Variants in CFAP157 observed in about 807,000 individuals in gnomAD.
CFAP157 encodes cilia- and flagella-associated protein 157.
Under a neutral mutation model 57.8 loss-of-function variants are expected in CFAP157, and 43 were observed. The ratio of observed to expected loss-of-function variants is 0.74; its 90% CI spans 0.58 to 0.96. CFAP157 has a LOEUF of 0.96. CFAP157 is among the 40% of genes least tolerant of loss of function. The probability of loss-of-function intolerance (pLI) is 0.00; values close to 1 mark genes in which losing one functional copy is unlikely to be tolerated. For missense variants in CFAP157, 606 were observed against 655.3 expected (o/e 0.92, Z 0.82); for synonymous variants, 267 against 269.0 (o/e 0.99, Z 0.07).
chr9:127,712,990 G>A (rs1345400138), intron 7 of CFAP157, 30 bp from the exon 8 acceptor site: 16 of 1,608,220 alleles, frequency 9.9e-6, no homozygotes, highest in African/African-American at 1.3e-5. Context: ...CTCGCCGAAG[G>A]CTCTGTGACC....
chr9:127,715,698 G>C lies in CFAP157; in HGVS notation c.*1793G>C, dbSNP rs748381420. ...CGTCATCACCCCGCAGCAGCCAATC[G>C]TGTTGCCAACTGTTTGGCGTCCACC... On this transcript the variant is annotated 3_prime_UTR_variant, in exon 9 of 9. Coordinates refer to ENST00000373295, the MANE Select transcript of CFAP157 (RefSeq NM_001012502.3). The surrounding 1 kb of genome is among the most constrained non-coding windows in gnomAD (Gnocchi z 5.8). 1.3e-6 allele frequency: 2 copies of C among 1,578,692 alleles called. No homozygotes were observed. The highest frequency in any genetic ancestry group is 2.3e-5 in the South Asian group (2 of 88,182).
rs58502035 is a variant in CFAP157, at chr9:127,713,496, C to CT, written c.1492-310dup. ...CCTCAGCTTCCAAGCCAGCATCTTT[C>CT]TTTTTTTTTTTTTTTTTTTTTTTTT... On this transcript the variant is annotated intron_variant, in intron 8 of 8. Coordinates refer to ENST00000373295, the MANE Select transcript of CFAP157 (RefSeq NM_001012502.3). 709 of 90,966 alleles carry CT rather than the reference C, an allele frequency of 7.8e-3. 67 individuals are homozygous for CT. Among genetic ancestry groups the CT allele is most frequent in the African/African-American group, 0.024 (309 of 13,042 alleles). 5.6% of individuals were successfully genotyped at this position (90,966 alleles called of 1,614,324 possible). A position where few individuals can be genotyped will look rare whatever the true frequency, so the allele number is the denominator to read the frequency against.
chr9:127,712,159 G>A, intron 5 of CFAP157, 40 bp from the exon 6 acceptor site: 1 of 1,610,222 alleles, frequency 6.2e-7, no homozygotes, highest in Non-Finnish European at 8.5e-7. Context: ...CAGTCCTGGG[G>A]AAGGGGGAAG....
In CFAP157 at chr9:127,712,700, C is replaced by T. The variant is rs748181351; in HGVS notation, c.1138-9C>T. On this transcript the variant is annotated splice_polypyrimidine_tract_variant and intron_variant, in intron 6 of 8. Transcript: ENST00000373295. ...TGTGGGCCTGCTGCCACCCCACCCT[C>T]ACCAACAGATGCACCGCGATGAAGA... The T allele has an allele frequency of 1.9e-6, 3 of 1,614,130 alleles. No individual in the cohort carries two copies. The highest frequency in any genetic ancestry group is 2.5e-6 in the Non-Finnish European group (3 of 1,180,004).
At chr9:127,712,019 C>T (rs1250957061) in intron 5 of CFAP157, 69 bp downstream of exon 5, 35 of 1,543,886 alleles carry the variant, frequency 2.3e-5, no homozygotes, top group Admixed American at 6.0e-5. Context: ...CAGCTCTTTC[C>T]GATCCCACGA....
intron 6 of CFAP157, 91 bp downstream of exon 6, chr9:127,712,440 A>G (rs1842788407): frequency 6.6e-7 from 1 of 1,521,556 alleles, no homozygotes; most frequent in Admixed American, 2.1e-5. Context: ...CCTCAGGATC[A>G]GAGGCCCCTC....
intron 4 of CFAP157, 28 bp from the exon 5 acceptor site, chr9:127,711,792 G>A (rs779478927): frequency 7.7e-6 from 12 of 1,548,876 alleles, no homozygotes; most frequent in South Asian, 4.8e-5. Flanking sequence ...GGCAGGCTGA[G>A]GGCATGGCCA....
chr9:127,713,563 G>A (rs1315003781), intron 8 of CFAP157: 2 of 313,990 alleles, frequency 6.4e-6, no homozygotes, highest in East Asian at 1.3e-4. Context: ...CTGGAGTGCA[G>A]TGCCACAATC....
Position 127,715,585 on chromosome 9 carries a change from G to C in CFAP157, c.*1680G>C, listed in dbSNP as rs767941897. ...GGGGGGCGAGGCTCCAAAACACATCGGCTCATGGCTCTACTCAGCCGCTGT... is the reference window on the plus strand; with the variant it reads ...GGGGGGCGAGGCTCCAAAACACATCCGCTCATGGCTCTACTCAGCCGCTGT... On this transcript the variant is annotated 3_prime_UTR_variant, in exon 9 of 9. Coordinates refer to ENST00000373295, the MANE Select transcript of CFAP157 (RefSeq NM_001012502.3). This position sits in a 1 kb window ranked among gnomAD's most constrained non-coding sequence, Gnocchi z 5.8. 1.2e-6 allele frequency: 2 copies of C among 1,613,388 alleles called. No individual in the cohort carries two copies. The highest frequency in any genetic ancestry group is 1.1e-5 in the South Asian group (1 of 91,080).
chr9:127,713,266 A>AGGCTCT, intron 8 of CFAP157, 60 bp downstream of exon 8: 1 of 1,242,734 alleles, frequency 8.0e-7, no homozygotes, highest in Non-Finnish European at 1.1e-6. Context: ...GTACAAACTG[A>AGGCTCT]GGCTCTGCCA....
In CFAP157 at chr9:127,715,002, C is replaced by G. The variant is rs1564370510; in HGVS notation, c.*1097C>G. 4 of 1,432,040 alleles carry G rather than the reference C, an allele frequency of 2.8e-6. No homozygotes were observed. The highest frequency in any genetic ancestry group is 3.7e-6 in the Non-Finnish European group (4 of 1,092,840). The allele number at this position is 1,432,040 out of a possible 1,614,324, so 88.7% of individuals were successfully genotyped here. Reference sequence around the variant, plus strand: ...GCCCGGGCCACGCTGCGCCCGTTGGCGTTCATAAGCCGCCGTGGCCGGAGC... The same window carrying G: ...GCCCGGGCCACGCTGCGCCCGTTGGGGTTCATAAGCCGCCGTGGCCGGAGC... On this transcript the variant is annotated 3_prime_UTR_variant, in exon 9 of 9. Coordinates refer to ENST00000373295, the MANE Select transcript of CFAP157 (RefSeq NM_001012502.3). The surrounding 1 kb of genome is among the most constrained non-coding windows in gnomAD (Gnocchi z 5.8).
intron 8 of CFAP157, chr9:127,713,412 C>A: frequency 2.1e-6 from 1 of 470,186 alleles, no homozygotes; most frequent in Non-Finnish European, 3.7e-6. Flanking sequence ...GGGGGGTTGG[C>A]TGGACCCTGT....
Position 127,714,027 on chromosome 9 carries a change from T to G in CFAP157, c.*122T>G, listed in dbSNP as rs541795955. 130 of 1,587,542 alleles carry G rather than the reference T, an allele frequency of 8.2e-5. No homozygotes were observed. In the African/African-American group the frequency reaches 1.6e-3, roughly 19 times the overall value. The stretch of plus-strand genomic sequence containing the variant: ...TTGTATAAAAAGTAGATACCAAGGC[T>G]GGCGTGGCAGCTCTGTGGCAGTGGC... On this transcript the variant is annotated 3_prime_UTR_variant, in exon 9 of 9. Coordinates refer to ENST00000373295, the MANE Select transcript of CFAP157 (RefSeq NM_001012502.3).
In CFAP157 at chr9:127,709,011, C is replaced by T. The variant is rs1250440058; in HGVS notation, c.162-411C>T. Among the ~76,000 whole-genome samples the T allele has an allele frequency of 6.6e-6, 1 of 152,204 alleles. No homozygotes were observed. The highest frequency in any genetic ancestry group is 1.5e-5 in the Non-Finnish European group (1 of 68,032). The stretch of plus-strand genomic sequence containing the variant: ...GTCCTGGCTGTGCCACTTACAAACT[C>T]AGAGTTCCTTTATCCTTCTGAGCCT... On this transcript the variant is annotated intron_variant, in intron 1 of 8. Coordinates refer to ENST00000373295, the MANE Select transcript of CFAP157 (RefSeq NM_001012502.3). The surrounding 1 kb of genome is among the most constrained non-coding windows in gnomAD (Gnocchi z 4.7).
At chr9:127,707,868 T>A (rs1162507841) in intron 1 of CFAP157, among the ~76,000 whole-genome samples, 2 of 152,168 alleles carry the variant, frequency 1.3e-5, no homozygotes, top group Non-Finnish European at 2.9e-5. Flanking sequence ...AGGCGGCAGC[T>A]CTTCCCCAGG....
intron 4 of CFAP157, 75 bp from the exon 5 acceptor site, chr9:127,711,745 C>G: frequency 6.7e-7 from 1 of 1,495,818 alleles, no homozygotes; most frequent in Non-Finnish European, 9.0e-7. Flanking sequence ...CATAGGGGAA[C>G]ACGGGAGGCC....
Position 127,715,341 on chromosome 9 carries a change from A to T in CFAP157, c.*1436A>T. ...CGCGAAGAAGGGGCCCAGAAACCCG[A>T]CCCCTGAGAACTCCAGAAGGCTGGG... On this transcript the variant is annotated 3_prime_UTR_variant, in exon 9 of 9. Coordinates refer to ENST00000373295, the MANE Select transcript of CFAP157 (RefSeq NM_001012502.3). This position sits in a 1 kb window ranked among gnomAD's most constrained non-coding sequence, Gnocchi z 5.8. The T allele has an allele frequency of 8.2e-7, 1 of 1,223,818 alleles. No individual in the cohort carries two copies. Among genetic ancestry groups the T allele is most frequent in the Non-Finnish European group, 1.2e-6 (1 of 861,080 alleles). 75.8% of individuals were successfully genotyped at this position (1,223,818 alleles called of 1,614,324 possible). A position where few individuals can be genotyped will look rare whatever the true frequency, so the allele number is the denominator to read the frequency against.
Position 127,714,804 on chromosome 9 carries a change from A to G in CFAP157, c.*899A>G. ...GACCACAACTAATCCCACTTCACAT[A>G]TAAAGAAACTGAGGCCCCCCGAAGT... is the stretch of plus-strand genomic sequence containing the variant. On this transcript the variant is annotated 3_prime_UTR_variant, in exon 9 of 9. Transcript: ENST00000373295. 2 of 1,149,384 alleles carry G rather than the reference A, an allele frequency of 1.7e-6. No homozygotes were observed. The highest frequency in any genetic ancestry group is 2.5e-6 in the Non-Finnish European group (2 of 788,174). 71.2% of individuals were successfully genotyped at this position (1,149,384 alleles called of 1,614,324 possible).
chr9:127,713,577 GCTCACAGCAAC>G (rs1376975597), intron 8 of CFAP157: 4 of 346,584 alleles, frequency 1.2e-5, no homozygotes, highest in Non-Finnish European at 2.1e-5. Context: ...CACAATCTCA[GCTCACAGCAAC>G]CTCCGCCTCC....
Sources: gnomAD v4.1 joint callset for allele counts (sites outside exome capture counted in the v4.1 genomes callset) on GRCh38, gnomAD v4.1.1 for gene constraint, Gnocchi (gnomAD v3.1) non-coding constraint, MANE v1.5 for transcripts, NCBI Gene and HGNC (gene_info 2026-07-23, HGNC 2026-07-21) for gene names.